The following TAB2 variants were observed in gnomAD, a reference collection of about 807,000 sequenced individuals.
TAB2 encodes TGF-beta-activated kinase 1 and MAP3K7-binding protein 2.
TAB2 carries 3 observed loss-of-function variants against 65.0 expected under a neutral mutation model. The observed-to-expected ratio is 0.05, with a 90% CI of 0.02 to 0.12. The LOEUF (loss-of-function observed/expected upper bound fraction) is 0.12. TAB2 is among the 10% of genes least tolerant of loss of function. The pLI, the probability that TAB2 is intolerant of heterozygous loss-of-function variation, is 1.00. For synonymous variants in TAB2, 298 were observed against 285.1 expected (o/e 1.05, Z -0.46); for missense variants, 623 against 840.3 (o/e 0.74, Z 3.20).
At chr6:149,312,879 C>A (rs150852475), upstream of TAB2, among the ~76,000 whole-genome samples, 658 of 152,242 alleles carry the variant, frequency 4.3e-3, 1 homozygote, top group Non-Finnish European at 7.1e-3. Context: ...TTAAAATCTA[C>A]TCTCTGATTT....
intron 1 of TAB2, among the ~76,000 whole-genome samples, chr6:149,265,236 A>G (rs147190096): frequency 0.013 from 1,906 of 150,500 alleles, 39 homozygotes; most frequent in African/African-American, 0.044. Flanking sequence ...AAGGTTTACA[A>G]TTTTGCGGGT....
At chr6:149,272,617 A>G (rs1481463829) in intron 1 of TAB2, among the ~76,000 whole-genome samples, 2 of 152,138 alleles carry the variant, frequency 1.3e-5, no homozygotes, top group African/African-American at 4.8e-5. Flanking sequence ...GTGCCCACCC[A>G]AATCATCCAG....
At chr6:149,283,991 T>C (rs944925649) in intron 1 of TAB2, among the ~76,000 whole-genome samples, 4 of 152,180 alleles carry the variant, frequency 2.6e-5, no homozygotes, top group African/African-American at 9.7e-5. Context: ...AACTGCAACA[T>C]CCTTCCCTCC....
intron 1 of TAB2, chr6:149,221,372 G>T (rs1562377817): frequency 6.6e-6 from 1 of 152,214 alleles, no homozygotes; most frequent in African/African-American, 2.4e-5. Context: ...ACCACAGCTT[G>T]CTGCCAGCCA....
rs1049150061 is a variant in TAB2 at position 149,400,809 on chromosome 6, T to C, written c.1939+1625T>C. On this transcript the variant is annotated intron_variant, in intron 6 of 6. Transcript: ENST00000637181. ...TACAGTATAGTTTTCTCTATTCTTT[T>C]GTTTCCCCCTTCCACATTCTTTTAT... 3.9e-6 allele frequency: 4 copies of C among 1,029,178 alleles called. No individual in the cohort carries two copies. In the African/African-American group the frequency reaches 4.9e-5, roughly 13 times the overall value. The allele number at this position is 1,029,178 out of a possible 1,614,324, so 63.8% of individuals were successfully genotyped here.
chr6:149,388,743 C>A (rs1009716291), intron 3 of TAB2, among the ~76,000 whole-genome samples: 1 of 152,074 alleles, frequency 6.6e-6, no homozygotes, highest in Non-Finnish European at 1.5e-5. Context: ...TTGTATTTCT[C>A]ACCTTATGAA....
At chr6:149,292,022 C>G (rs1284527521) in intron 1 of TAB2, among the ~76,000 whole-genome samples, 1 of 152,054 alleles carries the variant, frequency 6.6e-6, no homozygotes, top group Non-Finnish European at 1.5e-5. Flanking sequence ...ATCATAAGAA[C>G]TAAATAATTA....
At position 149,290,706 on chromosome 6, in the gene TAB2, G is replaced by A. The variant is rs191958738; in HGVS notation, c.-121+71930G>A. 3.9e-4 allele frequency among the ~76,000 whole-genome samples: 59 copies of A among 152,254 alleles called. No individual in the cohort carries two copies. The East Asian group carries it at 0.01, about 26-fold the overall frequency. On this transcript the variant is annotated intron_variant, in intron 1 of 1. Coordinates refer to the TAB2 transcript ENST00000606202. ...TAAAAAGACAAAAAAATAGCCAGGT[G>A]GGGTAGGGCACACCTGTGGTCCTAG... is the stretch of plus-strand genomic sequence containing the variant.
intron 1 of TAB2, among the ~76,000 whole-genome samples, chr6:149,350,234 A>G (rs942545821): frequency 6.6e-6 from 1 of 152,014 alleles, no homozygotes; most frequent in African/African-American, 2.4e-5. Context: ...GCCCGGCTGG[A>G]ATTAATATTT....
At chr6:149,369,011 T>A (rs1211974941) in intron 1 of TAB2, among the ~76,000 whole-genome samples, 1 of 152,166 alleles carries the variant, frequency 6.6e-6, no homozygotes, top group Non-Finnish European at 1.5e-5. Context: ...AGGCTTATGT[T>A]AACGAGGTTA....
intron 1 of TAB2, among the ~76,000 whole-genome samples, chr6:149,251,306 A>G (rs1046667609): frequency 1.3e-5 from 2 of 152,026 alleles, no homozygotes; most frequent in African/African-American, 4.8e-5. Context: ...CTTCCTTTTC[A>G]TAAGTCTCTG....
intron 1 of TAB2, among the ~76,000 whole-genome samples, chr6:149,295,119 G>A (rs1778851460): frequency 6.6e-6 from 1 of 152,148 alleles, no homozygotes; most frequent in South Asian, 2.1e-4. Flanking sequence ...AGGTTATGGT[G>A]GACACCTAAA....
At chr6:149,264,478 C>CA (rs1554254896) in intron 1 of TAB2, among the ~76,000 whole-genome samples, 2 of 151,780 alleles carry the variant, frequency 1.3e-5, no homozygotes. Flanking sequence ...ATTTTTTTTA[C>CA]TTTTTTTGGT....
chr6:149,300,787 G>C (rs779741687), intron 1 of TAB2, among the ~76,000 whole-genome samples: 4 of 152,036 alleles, frequency 2.6e-5, no homozygotes, highest in African/African-American at 9.7e-5. Context: ...GGAGAGCACT[G>C]GGGGGGTGAA....
intron 1 of TAB2, among the ~76,000 whole-genome samples, chr6:149,234,774 A>AT (rs1200154299): frequency 2.7e-5 from 4 of 149,526 alleles, no homozygotes; most frequent in African/African-American, 5.0e-5. Context: ...ACTGTGTGAG[A>AT]TTTTTTCAGT....
chr6:149,228,472 C>A (rs1251840195), intron 1 of TAB2, among the ~76,000 whole-genome samples: 4 of 152,162 alleles, frequency 2.6e-5, no homozygotes, highest in Non-Finnish European at 5.9e-5. Context: ...TCAACTCTGA[C>A]TTCCTCACAC....
intron 1 of TAB2, chr6:149,318,460 CAG>C (rs1482355188): frequency 2.9e-4 from 17 of 59,478 alleles, no homozygotes; most frequent in Admixed American, 9.6e-4. Context: ...AAAGATGACT[CAG>C]GGGCGGGGGT....
intron 1 of TAB2, among the ~76,000 whole-genome samples, chr6:149,302,550 G>A (rs1441764674): frequency 6.6e-6 from 1 of 152,208 alleles, no homozygotes; most frequent in East Asian, 1.9e-4. Flanking sequence ...CACAGTGATT[G>A]AACCTGATAG....
chr6:149,397,703 T>C lies in TAB2; in HGVS notation c.1703T>C (p.Met568Thr). The change falls in exon 4 of 7, where the codon ATG (methionine) becomes ACG (threonine). Residue 568 changes from methionine (M) to threonine (T), a missense_variant. By Grantham distance (81) the Met-to-Thr change is moderately conservative. Coordinates refer to ENST00000637181, the MANE Select transcript of TAB2 (RefSeq NM_001292034.3). ...AAATTAAAATCTGAGGTTAATGAAATGGAAAATAATCTAACTCGAAGGCGC... is the reference window on the plus strand; with the variant it reads ...AAATTAAAATCTGAGGTTAATGAAACGGAAAATAATCTAACTCGAAGGCGC... ...LDKLKSEVNEMENNLTRRRLK... is the reference protein window; with the variant it reads ...LDKLKSEVNETENNLTRRRLK... The C allele has an allele frequency of 6.2e-7, 1 of 1,614,010 alleles. No homozygotes were observed. The highest frequency in any genetic ancestry group is 8.5e-7 in the Non-Finnish European group (1 of 1,179,988).
Sources: gnomAD v4.1 joint callset for allele counts (sites outside exome capture counted in the v4.1 genomes callset) on GRCh38, gnomAD v4.1.1 for gene constraint, MANE v1.5 for transcripts, NCBI Gene and HGNC (gene_info 2026-07-23, HGNC 2026-07-21) for gene names.